The following SLC9A2 variants were observed in gnomAD, a reference collection of about 807,000 sequenced individuals.
The protein encoded by SLC9A2 is sodium/hydrogen exchanger 2.
In SLC9A2, 42 loss-of-function variants were observed where a neutral mutation model predicts 71.7. The observed-to-expected ratio is 0.59, with a 90% confidence interval of 0.46 to 0.76. SLC9A2 has a LOEUF of 0.76. SLC9A2 is among the 30% of genes least tolerant of loss of function. SLC9A2 has a pLI of 0.00. For missense variants in SLC9A2, 829 were observed against 1,017.4 expected, an observed-to-expected ratio of 0.81 and a Z score of 2.52; for synonymous variants, 396 against 392.5, an observed-to-expected ratio of 1.01 and a Z score of -0.10.
chr2:102,634,673 T>C (rs1019610030), intron 1 of SLC9A2, among the ~76,000 whole-genome samples: 2 of 152,240 alleles, frequency 1.3e-5, no homozygotes, highest in Non-Finnish European at 2.9e-5. Flanking sequence ...ATTATACATG[T>C]CAGCCTCTGA....
At chr2:102,658,386 A>G (rs1441139313) in intron 2 of SLC9A2, among the ~76,000 whole-genome samples, 2 of 152,062 alleles carry the variant, frequency 1.3e-5, no homozygotes, top group African/African-American at 2.4e-5. Context: ...GGCATTTTCA[A>G]AAATGATGGT....
intron 1 of SLC9A2, among the ~76,000 whole-genome samples, chr2:102,650,632 C>T (rs1676813428): frequency 6.6e-6 from 1 of 152,092 alleles, no homozygotes; most frequent in Non-Finnish European, 1.5e-5. Flanking sequence ...TTTCTATCTG[C>T]CTTTTCTGAT....
chr2:102,641,368 G>A (rs1676577394), intron 1 of SLC9A2, among the ~76,000 whole-genome samples: 1 of 151,942 alleles, frequency 6.6e-6, no homozygotes, highest in African/African-American at 2.4e-5. Flanking sequence ...TCCAAATTGT[G>A]GATGACAGGT....
At position 102,679,417 on chromosome 2, in the gene SLC9A2, G is replaced by A. The variant is rs563947193; in HGVS notation, c.1005-3844G>A. 3.1e-3 allele frequency among the ~76,000 whole-genome samples: 471 copies of A among 149,830 alleles called. 2 individuals carry two copies. Among genetic ancestry groups the A allele is most frequent in the Admixed American group, 6.6e-3 (100 of 15,066 alleles). ...TTTTTTTTGAGATGGAGTCTTGCTC[G>A]GTTGCCCAGGCTGGAGTGCAGTGGC... On this transcript the variant is annotated intron_variant, in intron 3 of 11. Transcript: ENST00000233969.
intron 1 of SLC9A2, among the ~76,000 whole-genome samples, chr2:102,636,743 G>A (rs377014599): frequency 6.6e-5 from 10 of 152,312 alleles, no homozygotes; most frequent in African/African-American, 2.4e-4. Context: ...GCTGGCATGG[G>A]AAGTTCTGAC....
chr2:102,695,032 T>A lies in SLC9A2; in HGVS notation c.1516-11T>A. On this transcript the variant is annotated splice_polypyrimidine_tract_variant and intron_variant, in intron 6 of 11. Coordinates refer to ENST00000233969, the MANE Select transcript of SLC9A2 (RefSeq NM_003048.6). The stretch of plus-strand genomic sequence containing the variant: ...AAAGACTAATCAATTTGCCTGCTTT[T>A]TCTGTTTTAGTTGTTTGATCATGTG... 1 of 1,612,816 alleles carries A rather than the reference T, an allele frequency of 6.2e-7. No individual in the cohort carries two copies. Among genetic ancestry groups the A allele is most frequent in the Non-Finnish European group, 8.5e-7 (1 of 1,179,152 alleles).
At position 102,657,701 on chromosome 2, in the gene SLC9A2, T is replaced by C; in HGVS notation, c.427T>C (p.Leu143=). The change falls in exon 2 of 12, where the codon TTG becomes CTG. Residue 143 remains leucine, a synonymous_variant. Coordinates refer to ENST00000233969, the MANE Select transcript of SLC9A2 (RefSeq NM_003048.6). ...PPAMKTDVFF[L]YLLPPIVLDA... is the part of the protein sequence containing the mutation. ...TGCAATGAAGACTGATGTATTTTTC[T>C]TGTACCTCCTCCCACCCATCGTGCT... 6.2e-7 allele frequency: 1 copy of C among 1,614,230 alleles called. No individual in the cohort carries two copies. The highest frequency in any genetic ancestry group is 8.5e-7 in the Non-Finnish European group (1 of 1,180,036).
chr2:102,621,380 A>G (rs1268245944), intron 1 of SLC9A2, among the ~76,000 whole-genome samples: 1 of 146,080 alleles, frequency 6.8e-6, no homozygotes, highest in Admixed American at 6.9e-5. Context: ...AAAATTACCC[A>G]CTTTCATACT....
At chr2:102,647,856 T>C (rs544434391) in intron 1 of SLC9A2, among the ~76,000 whole-genome samples, 1 of 112,036 alleles carries the variant, frequency 8.9e-6, no homozygotes, top group East Asian at 4.4e-4. Context: ...ATTAATAGCC[T>C]ACCAACAAAA....
intron 1 of SLC9A2, among the ~76,000 whole-genome samples, chr2:102,655,365 G>A (rs2104518152): frequency 6.6e-6 from 1 of 152,202 alleles, no homozygotes; most frequent in East Asian, 1.9e-4. Flanking sequence ...TGTTGGCCAA[G>A]CTGGTCTCAA....
chr2:102,621,485 G>A (rs1357158840), intron 1 of SLC9A2, among the ~76,000 whole-genome samples: 4 of 151,998 alleles, frequency 2.6e-5, no homozygotes, highest in Middle Eastern at 3.4e-3. Flanking sequence ...TGAGCATGGT[G>A]CTTTATATTA....
chr2:102,640,155 G>A (rs539917564), intron 1 of SLC9A2, among the ~76,000 whole-genome samples: 1 of 152,310 alleles, frequency 6.6e-6, no homozygotes, highest in East Asian at 1.9e-4. Flanking sequence ...AAGGAAACGA[G>A]CCAGCTCAGA....
chr2:102,634,603 A>G (rs1676431979), intron 1 of SLC9A2, among the ~76,000 whole-genome samples: 2 of 152,244 alleles, frequency 1.3e-5, no homozygotes, highest in African/African-American at 4.8e-5. Context: ...CTCCATAGCA[A>G]GTTGTTAGAC....
intron 1 of SLC9A2, among the ~76,000 whole-genome samples, chr2:102,641,169 A>G (rs1052503530): frequency 1.3e-5 from 2 of 152,112 alleles, no homozygotes; most frequent in African/African-American, 4.8e-5. Context: ...AGACTCTCAA[A>G]TGGATTTGTG....
At chr2:102,669,165 C>T (rs1677198180) in intron 3 of SLC9A2, among the ~76,000 whole-genome samples, 1 of 152,116 alleles carries the variant, frequency 6.6e-6, no homozygotes, top group Non-Finnish European at 1.5e-5. Context: ...TTTTTACTGA[C>T]AAGTAAATTA....
At chr2:102,706,952 A>G (rs1677991449) in intron 11 of SLC9A2, among the ~76,000 whole-genome samples, 1 of 152,228 alleles carries the variant, frequency 6.6e-6, no homozygotes. Flanking sequence ...TTAGGATTTC[A>G]TGTTATTAAA....
At chr2:102,705,797 A>G (rs370853916) in intron 10 of SLC9A2, 49 bp from the exon 11 acceptor site, 7 of 1,124,272 alleles carry the variant, frequency 6.2e-6, no homozygotes, top group Non-Finnish European at 7.7e-6. Flanking sequence ...TTAATATACA[A>G]TAAGTGCCAT....
Position 102,671,711 on chromosome 2 carries a change from G to A in SLC9A2, c.1004+6361G>A, listed in dbSNP as rs114499117. 7.6e-3 allele frequency among the ~76,000 whole-genome samples: 1,163 copies of A among 152,310 alleles called. 17 individuals are homozygous for A. The highest frequency in any genetic ancestry group is 0.026 in the African/African-American group (1,076 of 41,574). ...TTTGAAGGAGGAACAAAAATAGTAG[G>A]TTGTCACTTCTTTCCTAGGTCCTGT... On this transcript the variant is annotated intron_variant, in intron 3 of 11. Transcript: ENST00000233969.
At chr2:102,651,970 T>A (rs1676844139) in intron 1 of SLC9A2, among the ~76,000 whole-genome samples, 1 of 152,208 alleles carries the variant, frequency 6.6e-6, no homozygotes, top group Non-Finnish European at 1.5e-5. Flanking sequence ...ATGTAGGAGT[T>A]CTTTTTTATT....
Sources: gnomAD v4.1 joint callset for allele counts (sites outside exome capture counted in the v4.1 genomes callset) on GRCh38, gnomAD v4.1.1 for gene constraint, MANE v1.5 for transcripts, NCBI Gene and HGNC (gene_info 2026-07-23, HGNC 2026-07-21) for gene names.